The following WDR12 variants were observed in gnomAD, a reference collection of about 807,000 sequenced individuals.
WDR12 encodes ribosome biogenesis protein WDR12.
WDR12 carries 42 observed loss-of-function variants against 64.3 expected under a neutral mutation model. The ratio of observed to expected loss-of-function variants is 0.65; its 90% CI spans 0.51 to 0.84. WDR12 has a LOEUF of 0.84. Among genes scored for constraint, WDR12 ranks in the 40% least tolerant of loss-of-function variants. The pLI is 0.00. For synonymous variants in WDR12, 158 were observed against 173.3 expected (o/e 0.91, Z 0.70); for missense variants, 469 against 494.6 (o/e 0.95, Z 0.49).
At position 202,899,645 on chromosome 2, in the gene WDR12, C is replaced by A. The variant is rs780104845; in HGVS notation, c.232-8G>T. 14 of 1,611,752 alleles carry A rather than the reference C, an allele frequency of 8.7e-6. No homozygotes were observed. Among genetic ancestry groups the A allele is most frequent in the Non-Finnish European group, 1.2e-5 (14 of 1,178,684 alleles). ...TATTTCCACAACTTCTTCCTAATCA[C>A]AAGAGAAACCAGCAACAAGTCAGGT... On this transcript the variant is annotated splice_polypyrimidine_tract_variant and splice_region_variant and intron_variant, in intron 3 of 12. Coordinates refer to ENST00000261015, the MANE Select transcript of WDR12 (RefSeq NM_018256.4).
Position 202,897,908 on chromosome 2 carries a change from A to AATAT in WDR12, c.339-497_339-494dup, listed in dbSNP as rs11463463. Among the ~76,000 whole-genome samples the AATAT allele has an allele frequency of 4.0e-3, 162 of 40,032 alleles. 1 individual carries two copies. Among genetic ancestry groups the AATAT allele is most frequent in the Admixed American group, 7.7e-3 (17 of 2,198 alleles). The allele number at this position is 40,032 out of a possible 152,430, so 26.3% of individuals were successfully genotyped here. A position where few individuals can be genotyped will look rare whatever the true frequency, so the allele number is the denominator to read the frequency against. On this transcript the variant is annotated intron_variant, in intron 4 of 12. Transcript: ENST00000261015. ...CGTTTCAAAAAAAAAAAAAAAAAAA[A>AATAT]ATATATATATATATATAAAAAATAT...
intron 8 of WDR12, among the ~76,000 whole-genome samples, chr2:202,885,465 T>C (rs945943557): frequency 6.6e-6 from 1 of 152,170 alleles, no homozygotes; most frequent in African/African-American, 2.4e-5. Flanking sequence ...TTAGACTGGT[T>C]ATTAGTGAAA....
At chr2:202,882,906 A>T in intron 11 of WDR12, 123 bp from the exon 12 acceptor site, 1 of 733,238 alleles carries the variant, frequency 1.4e-6, no homozygotes, top group South Asian at 2.2e-5. Flanking sequence ...ATAACCACTT[A>T]ATCTTAAAAT....
chr2:202,900,301 C>T (rs1688325566), intron 3 of WDR12, among the ~76,000 whole-genome samples: 1 of 150,244 alleles, frequency 6.7e-6, no homozygotes, highest in African/African-American at 2.5e-5. Flanking sequence ...TGCACTCCAG[C>T]CTGGGCAACA....
Position 202,880,843 on chromosome 2 carries a change from C to T in WDR12, c.*17G>A. The T allele has an allele frequency of 6.3e-7, 1 of 1,598,200 alleles. No homozygotes were observed. Reference sequence around the variant, plus strand: ...CATTTACAGAAATAATCTCTATAGTCAAATTATTGTTCACTTTCATGCCCC... The same window carrying T: ...CATTTACAGAAATAATCTCTATAGTTAAATTATTGTTCACTTTCATGCCCC... On this transcript the variant is annotated 3_prime_UTR_variant, in exon 13 of 13. Coordinates refer to ENST00000261015, the MANE Select transcript of WDR12 (RefSeq NM_018256.4).
Position 202,894,635 on chromosome 2 carries a change from A to T in WDR12, c.610-9T>A. 1 of 1,605,184 alleles carries T rather than the reference A, an allele frequency of 6.2e-7. No individual in the cohort carries two copies. The highest frequency in any genetic ancestry group is 8.5e-7 in the Non-Finnish European group (1 of 1,175,708). ...CAGGAGCCACTGCAAAACTAAACAGATGTATATGAAGGGAAAAGACATATG... is the reference window on the plus strand; with the variant it reads ...CAGGAGCCACTGCAAAACTAAACAGTTGTATATGAAGGGAAAAGACATATG... On this transcript the variant is annotated splice_polypyrimidine_tract_variant and intron_variant, in intron 6 of 12. Transcript: ENST00000261015.
chr2:202,898,391 T>C (rs1688290667), intron 4 of WDR12, among the ~76,000 whole-genome samples: 1 of 152,224 alleles, frequency 6.6e-6, no homozygotes, highest in Non-Finnish European at 1.5e-5. Flanking sequence ...TCTCAAGTGA[T>C]CCACCTGCCT....
intron 6 of WDR12, among the ~76,000 whole-genome samples, chr2:202,895,323 T>C (rs750940958): frequency 1.6e-4 from 25 of 152,280 alleles, no homozygotes; most frequent in South Asian, 1.0e-3. Context: ...CATTTTGTCA[T>C]GATAAAGAGT....
rs1305854666 is a variant in WDR12, at chr2:202,878,521, A to C, written c.*2339T>G. On this transcript the variant is annotated 3_prime_UTR_variant, in exon 13 of 13. Transcript: ENST00000261015. Reference sequence around the variant, plus strand: ...TTAAAATATACTTTAAGAAATGGTAACTGGAGCTCTAGCTCTTGGTCTATA... The same window carrying C: ...TTAAAATATACTTTAAGAAATGGTACCTGGAGCTCTAGCTCTTGGTCTATA... 2 of 152,234 alleles carry C rather than the reference A, an allele frequency of 1.3e-5. 1 individual carries two copies. Among genetic ancestry groups the C allele is most frequent in the Admixed American group, 1.3e-4 (2 of 15,284 alleles). The allele number at this position is 152,234 out of a possible 1,614,324, so 9.4% of individuals were successfully genotyped here. A position where few individuals can be genotyped will look rare whatever the true frequency, so the allele number is the denominator to read the frequency against.
At chr2:202,882,519 G>A (rs532878710) in intron 12 of WDR12, among the ~76,000 whole-genome samples, 192 bp downstream of exon 12, 1 of 151,952 alleles carries the variant, frequency 6.6e-6, no homozygotes, top group East Asian at 1.9e-4. Context: ...TAGTAGAGAC[G>A]GGGTTCCACC....
At chr2:202,881,806 C>T (rs574638561) in intron 12 of WDR12, among the ~76,000 whole-genome samples, 2 of 151,976 alleles carry the variant, frequency 1.3e-5, no homozygotes, top group African/African-American at 4.8e-5. Flanking sequence ...TGAGTCACGA[C>T]CGCACCACTA....
At position 202,883,760 on chromosome 2, in the gene WDR12, A is replaced by G. The variant is rs1468450847; in HGVS notation, c.989-19T>C. 1 of 1,605,102 alleles carries G rather than the reference A, an allele frequency of 6.2e-7. No homozygotes were observed. The highest frequency in any genetic ancestry group is 1.8e-5 in the Admixed American group (1 of 56,910). On this transcript the variant is annotated intron_variant, in intron 10 of 12. Coordinates refer to ENST00000261015, the MANE Select transcript of WDR12 (RefSeq NM_018256.4). ...GAACCATCTGAACAAAGCAAAAAAG[A>G]CAAGCGTTGAATTTTAGAAAAGGGA...
chr2:202,889,735 C>T (rs1688113275), intron 8 of WDR12, among the ~76,000 whole-genome samples: 1 of 150,556 alleles, frequency 6.6e-6, no homozygotes, highest in African/African-American at 2.4e-5. Flanking sequence ...GGCAATATAA[C>T]AAGACCCCAT....
At chr2:202,891,913 T>G (rs1360766019) in intron 8 of WDR12, among the ~76,000 whole-genome samples, 1 of 152,030 alleles carries the variant, frequency 6.6e-6, no homozygotes. Flanking sequence ...AACTGGAGTG[T>G]GAGGAAATGG....
intron 2 of WDR12, among the ~76,000 whole-genome samples, chr2:202,907,644 A>G (rs909438941): frequency 3.3e-5 from 5 of 152,236 alleles, no homozygotes; most frequent in African/African-American, 1.2e-4. Context: ...ATATTTCCAC[A>G]TGGCCTTAAA....
chr2:202,897,908 A>AATATATAT (rs11463463), intron 4 of WDR12, among the ~76,000 whole-genome samples: 2 of 40,054 alleles, frequency 5.0e-5, no homozygotes, highest in African/African-American at 7.3e-5. Flanking sequence ...AAAAAAAAAA[A>AATATATAT]ATATATATAT....
In WDR12 at chr2:202,880,843, C is replaced by A; in HGVS notation, c.*17G>T. ...CATTTACAGAAATAATCTCTATAGTCAAATTATTGTTCACTTTCATGCCCC... is the reference window on the plus strand; with the variant it reads ...CATTTACAGAAATAATCTCTATAGTAAAATTATTGTTCACTTTCATGCCCC... On this transcript the variant is annotated 3_prime_UTR_variant, in exon 13 of 13. Coordinates refer to ENST00000261015, the MANE Select transcript of WDR12 (RefSeq NM_018256.4). 1.3e-6 allele frequency: 2 copies of A among 1,598,196 alleles called. No individual in the cohort carries two copies. Among genetic ancestry groups the A allele is most frequent in the South Asian group, 1.1e-5 (1 of 88,222 alleles).
intron 2 of WDR12, among the ~76,000 whole-genome samples, chr2:202,902,398 G>A (rs1688364927): frequency 1.3e-5 from 2 of 152,178 alleles, no homozygotes; most frequent in African/African-American, 4.8e-5. Context: ...GTTCCTGGGT[G>A]TGTCTGTGAA....
intron 7 of WDR12, among the ~76,000 whole-genome samples, chr2:202,893,322 A>T (rs1382134760): frequency 6.6e-6 from 1 of 152,174 alleles, no homozygotes; most frequent in Non-Finnish European, 1.5e-5. Flanking sequence ...TATGTAAAAC[A>T]TTAAAACGTT....
Sources: allele counts gnomAD v4.1 joint callset (sites outside exome capture counted in the v4.1 genomes callset), GRCh38; gene constraint gnomAD v4.1.1; transcripts MANE v1.5; gene names NCBI Gene and HGNC (gene_info 2026-07-23, HGNC 2026-07-21).